The following CDKAL1 variants were observed in gnomAD, a reference collection of about 807,000 sequenced individuals.
The protein encoded by CDKAL1 is threonylcarbamoyladenosine tRNA methylthiotransferase.
A neutral mutation model predicts 68.2 loss-of-function variants in CDKAL1; 32 were observed. That is an observed-to-expected ratio of 0.47 (90% CI 0.35 to 0.63). CDKAL1 has a LOEUF of 0.63. Ranked by LOEUF, CDKAL1 falls within the 30% of genes least tolerant of loss-of-function variation. The pLI is 0.00. For synonymous variants in CDKAL1, 234 were observed against 244.3 expected, an observed-to-expected ratio of 0.96 and a Z score of 0.39; for missense variants, 606 against 696.7, an observed-to-expected ratio of 0.87 and a Z score of 1.47.
chr6:20,721,725 G>GTTTTTCTTTTT (rs1772372854), intron 5 of CDKAL1, among the ~76,000 whole-genome samples: 1 of 67,380 alleles, frequency 1.5e-5, no homozygotes, highest in African/African-American at 6.0e-5. Flanking sequence ...ACCAACTTCT[G>GTTTTTCTTTTT]TTTTTTTTTT....
At chr6:20,813,013 G>A (rs1174034233) in intron 8 of CDKAL1, among the ~76,000 whole-genome samples, 1 of 152,096 alleles carries the variant, frequency 6.6e-6, no homozygotes, top group African/African-American at 2.4e-5. Context: ...CCATTGTAGT[G>A]AGTATATAGT....
intron 11 of CDKAL1, among the ~76,000 whole-genome samples, chr6:21,004,716 A>G (rs1767630418): frequency 2.0e-5 from 3 of 152,086 alleles, no homozygotes; most frequent in Admixed American, 1.3e-4. Flanking sequence ...TGTAATCCCA[A>G]TACTTTGGGA....
At chr6:20,961,194 G>A (rs114611243) in intron 10 of CDKAL1, among the ~76,000 whole-genome samples, 2,632 of 152,242 alleles carry the variant, frequency 0.017, 81 homozygotes, top group African/African-American at 0.06. Flanking sequence ...CAACTTAAAT[G>A]CCCATCCACA....
At chr6:20,921,733 A>G (rs143992034) in intron 9 of CDKAL1, among the ~76,000 whole-genome samples, 257 of 152,200 alleles carry the variant, frequency 1.7e-3, no homozygotes, top group Non-Finnish European at 2.5e-3. Flanking sequence ...TTCATTGCCT[A>G]TTGGTGATGT....
intron 4 of CDKAL1, among the ~76,000 whole-genome samples, chr6:20,584,225 G>A (rs1347779790): frequency 6.6e-6 from 1 of 152,020 alleles, no homozygotes; most frequent in Non-Finnish European, 1.5e-5. Flanking sequence ...AGGGGTCTGT[G>A]GTGTCTGTAA....
intron 7 of CDKAL1, among the ~76,000 whole-genome samples, chr6:20,779,227 T>A (rs1156458284): frequency 6.6e-6 from 1 of 152,216 alleles, no homozygotes; most frequent in Non-Finnish European, 1.5e-5. Context: ...TCGTAAGCAG[T>A]TGTTTCTTAA....
At chr6:20,789,110 A>G (rs1775793758) in intron 8 of CDKAL1, among the ~76,000 whole-genome samples, 1 of 152,220 alleles carries the variant, frequency 6.6e-6, no homozygotes, top group Non-Finnish European at 1.5e-5. Flanking sequence ...AGTGAAAGTT[A>G]TATGAAACAA....
chr6:21,027,544 C>T (rs1164287214), intron 11 of CDKAL1, among the ~76,000 whole-genome samples: 1 of 152,122 alleles, frequency 6.6e-6, no homozygotes, highest in East Asian at 1.9e-4. Context: ...TTTAAGTGAT[C>T]ACCTCTTAAA....
intron 11 of CDKAL1, among the ~76,000 whole-genome samples, chr6:21,036,759 C>G (rs1769618946): frequency 6.6e-6 from 1 of 152,160 alleles, no homozygotes; most frequent in Non-Finnish European, 1.5e-5. Flanking sequence ...TTCATGAAGG[C>G]TAATTTTCAT....
chr6:21,033,664 C>G (rs1253284315), intron 11 of CDKAL1, among the ~76,000 whole-genome samples: 1 of 152,174 alleles, frequency 6.6e-6, no homozygotes, highest in Non-Finnish European at 1.5e-5. Context: ...AATGCCTTCC[C>G]TGCCCGCCTA....
chr6:20,573,969 A>G (rs1764811986), intron 4 of CDKAL1, among the ~76,000 whole-genome samples: 1 of 152,206 alleles, frequency 6.6e-6, no homozygotes, highest in Non-Finnish European at 1.5e-5. Flanking sequence ...GGAAGGCAGT[A>G]TAACTAGCTG....
At chr6:20,699,777 T>C (rs191374749) in intron 5 of CDKAL1, among the ~76,000 whole-genome samples, 1 of 152,174 alleles carries the variant, frequency 6.6e-6, no homozygotes, top group East Asian at 1.9e-4. Context: ...TAATGAGTGG[T>C]CAATTTAGAT....
intron 5 of CDKAL1, among the ~76,000 whole-genome samples, chr6:20,693,751 C>T (rs951868182): frequency 1.3e-5 from 2 of 152,150 alleles, no homozygotes; most frequent in African/African-American, 4.8e-5. Context: ...ATACTAAAAG[C>T]TTTCATAAGA....
chr6:21,036,928 T>C (rs1409235920), intron 11 of CDKAL1, among the ~76,000 whole-genome samples: 1 of 152,176 alleles, frequency 6.6e-6, no homozygotes. Context: ...TAAGTAAGTA[T>C]AGAACATTGA....
chr6:20,821,342 T>C (rs1339429914), intron 8 of CDKAL1, among the ~76,000 whole-genome samples: 1 of 151,978 alleles, frequency 6.6e-6, no homozygotes, highest in South Asian at 2.1e-4. Context: ...GGAAACAGCA[T>C]CCTAGGGTAA....
At chr6:20,777,836 C>T (rs1310096455) in intron 7 of CDKAL1, among the ~76,000 whole-genome samples, 2 of 152,178 alleles carry the variant, frequency 1.3e-5, no homozygotes, top group African/African-American at 4.8e-5. Context: ...AAACTAGGCA[C>T]AGTAAGAGAT....
chr6:20,790,849 G>T (rs1403907178), intron 8 of CDKAL1, among the ~76,000 whole-genome samples: 1 of 152,180 alleles, frequency 6.6e-6, no homozygotes, highest in Admixed American at 6.5e-5. Flanking sequence ...TAGGGTCTCA[G>T]AATGGGGAGT....
At chr6:20,575,513 A>G (rs1359725378) in intron 4 of CDKAL1, among the ~76,000 whole-genome samples, 1 of 151,912 alleles carries the variant, frequency 6.6e-6, no homozygotes, top group Non-Finnish European at 1.5e-5. Flanking sequence ...ATTTTATAAC[A>G]TAGCCACAGA....
intron 13 of CDKAL1, among the ~76,000 whole-genome samples, chr6:21,120,216 T>C (rs144081097): frequency 1.5e-3 from 231 of 152,350 alleles, no homozygotes; most frequent in African/African-American, 5.3e-3. Context: ...GGGCCCCGTC[T>C]CCCCGAAGAC....
Sources: gnomAD v4.1 joint callset for allele counts (sites outside exome capture counted in the v4.1 genomes callset) on GRCh38, gnomAD v4.1.1 for gene constraint, MANE v1.5 for transcripts, NCBI Gene and HGNC (gene_info 2026-07-23, HGNC 2026-07-21) for gene names.